Variants in CACNA2D1 observed in about 807,000 individuals in gnomAD.
The protein encoded by CACNA2D1 is voltage-dependent calcium channel subunit alpha-2/delta-1.
A neutral mutation model predicts 171.5 loss-of-function variants in CACNA2D1; 53 were observed. The observed-to-expected ratio is 0.31, with a 90% CI of 0.25 to 0.39. The LOEUF is 0.39. Among genes scored for constraint, CACNA2D1 ranks in the 10% least tolerant of loss-of-function variants. The pLI is 1.00. For synonymous variants in CACNA2D1, 442 were observed against 443.1 expected (o/e 1.00, Z 0.03); for missense variants, 903 against 1,299.8 (o/e 0.69, Z 4.69).
chr7:82,225,071 C>T (rs1013636229), intron 3 of CACNA2D1, among the ~76,000 whole-genome samples: 4 of 152,028 alleles, frequency 2.6e-5, no homozygotes, highest in Non-Finnish European at 5.9e-5. Flanking sequence ...GATCTTACTA[C>T]TTTGTTGAGA....
At chr7:81,983,470 G>A (rs1005135538) in intron 22 of CACNA2D1, 136 bp from the exon 23 acceptor site, 1 of 722,930 alleles carries the variant, frequency 1.4e-6, no homozygotes, top group Non-Finnish European at 2.5e-6. Flanking sequence ...GTTCATTTAT[G>A]TACAGCTGTA....
chr7:82,317,349 A>G (rs1001285916), intron 3 of CACNA2D1, among the ~76,000 whole-genome samples: 2 of 152,240 alleles, frequency 1.3e-5, no homozygotes, highest in African/African-American at 4.8e-5. Flanking sequence ...CAGGCAGATC[A>G]TAGGGATAAT....
At chr7:82,247,322 C>T (rs1187320419) in intron 3 of CACNA2D1, among the ~76,000 whole-genome samples, 1 of 151,896 alleles carries the variant, frequency 6.6e-6, no homozygotes, top group African/African-American at 2.4e-5. Flanking sequence ...CCAGCCTGGG[C>T]AACATGGCAA....
At chr7:82,330,594 CAAAT>C (rs1290182142) in intron 3 of CACNA2D1, among the ~76,000 whole-genome samples, 1 of 152,010 alleles carries the variant, frequency 6.6e-6, no homozygotes, top group South Asian at 2.1e-4. Flanking sequence ...TTTCCAAACT[CAAAT>C]AAAAATGAAA....
chr7:82,219,240 T>C (rs1801494271), intron 3 of CACNA2D1, among the ~76,000 whole-genome samples: 1 of 152,154 alleles, frequency 6.6e-6, no homozygotes, highest in African/African-American at 2.4e-5. Flanking sequence ...AAATCTCTGC[T>C]ACTTAGTAGG....
At chr7:82,436,742 C>A (rs546698406) in intron 1 of CACNA2D1, among the ~76,000 whole-genome samples, 20 of 152,288 alleles carry the variant, frequency 1.3e-4, no homozygotes, top group African/African-American at 4.6e-4. Flanking sequence ...ATTTTCACCA[C>A]AATGCCTGTT....
rs557911442 is a variant in CACNA2D1, at chr7:82,374,375, G to A, written c.96-24726C>T. 2.8e-4 allele frequency among the ~76,000 whole-genome samples: 43 copies of A among 152,222 alleles called. 2 individuals are homozygous for A. The South Asian group carries it at 6.6e-3, about 23-fold the overall frequency. On this transcript the variant is annotated intron_variant, in intron 1 of 38. Transcript: ENST00000356860. ...ACCCATTCTCCTATCAAATCAGAGC[G>A]TACAGACACGGCTCTATTTGTAATA...
intron 3 of CACNA2D1, among the ~76,000 whole-genome samples, chr7:82,231,425 C>T (rs552321399): frequency 2.0e-5 from 3 of 152,308 alleles, no homozygotes; most frequent in East Asian, 3.9e-4. Context: ...ACATTTGCAG[C>T]TGCATTAACT....
chr7:82,066,980 G>A (rs1034596174), intron 7 of CACNA2D1, among the ~76,000 whole-genome samples: 1 of 151,994 alleles, frequency 6.6e-6, no homozygotes, highest in African/African-American at 2.4e-5. Flanking sequence ...ATTTTACTCA[G>A]TCCATGGTAA....
chr7:82,055,958 A>T (rs1805832508), intron 10 of CACNA2D1, among the ~76,000 whole-genome samples: 1 of 146,084 alleles, frequency 6.8e-6, no homozygotes, highest in East Asian at 2.0e-4. Flanking sequence ...AATTTTTTAA[A>T]AAAAGGAAAG....
intron 4 of CACNA2D1, among the ~76,000 whole-genome samples, chr7:82,147,088 A>G (rs1212513098): frequency 6.6e-6 from 1 of 151,452 alleles, no homozygotes; most frequent in African/African-American, 2.4e-5. Flanking sequence ...ATAATTCATA[A>G]CAGTCAAAAA....
At chr7:82,108,582 C>T (rs759308192) in intron 6 of CACNA2D1, among the ~76,000 whole-genome samples, 2 of 152,128 alleles carry the variant, frequency 1.3e-5, no homozygotes, top group African/African-American at 2.4e-5. Flanking sequence ...ACTAATTGGT[C>T]TGCTGTTCTG....
chr7:82,258,497 T>C (rs1038933678), intron 3 of CACNA2D1, among the ~76,000 whole-genome samples: 1 of 152,156 alleles, frequency 6.6e-6, no homozygotes, highest in African/African-American at 2.4e-5. Flanking sequence ...ATAAACTTTA[T>C]TGAGTCAGAC....
Position 81,984,618 on chromosome 7 carries a change from A to C in CACNA2D1, c.1873+17T>G, listed in dbSNP as rs1384452807. On this transcript the variant is annotated intron_variant, in intron 22 of 38. Transcript: ENST00000356860. ...GAGATAACAAATGGACCCTGAAGTC[A>C]CTTTCACAGTACTTACATCTGGCCT... The C allele has an allele frequency of 7.0e-7, 1 of 1,427,772 alleles. No homozygotes were observed. 88.4% of individuals were successfully genotyped at this position (1,427,772 alleles called of 1,614,324 possible). A position where few individuals can be genotyped will look rare whatever the true frequency, so the allele number is the denominator to read the frequency against.
chr7:82,263,938 T>G (rs975657929), intron 3 of CACNA2D1, among the ~76,000 whole-genome samples: 2 of 147,712 alleles, frequency 1.4e-5, no homozygotes, highest in Non-Finnish European at 3.0e-5. Flanking sequence ...ATAATATGGG[T>G]TTTTTTTTTC....
intron 3 of CACNA2D1, among the ~76,000 whole-genome samples, chr7:82,214,059 G>A (rs560118501): frequency 9.1e-4 from 139 of 152,166 alleles, no homozygotes; most frequent in African/African-American, 2.9e-3. Context: ...CAGCTTTCTG[G>A]GGTTTCTTTT....
chr7:81,959,670 A>G (rs770054878), intron 37 of CACNA2D1, 50 bp downstream of exon 37: 194 of 1,549,708 alleles, frequency 1.3e-4, no homozygotes, highest in Non-Finnish European at 1.6e-4. Flanking sequence ...AAGATTCAAA[A>G]TGCATTAAGA....
chr7:81,966,304 A>C (rs1464817917), intron 31 of CACNA2D1, among the ~76,000 whole-genome samples: 1 of 151,678 alleles, frequency 6.6e-6, no homozygotes, highest in Non-Finnish European at 1.5e-5. Flanking sequence ...AATAAAAATC[A>C]CAAATAAAAA....
chr7:82,321,544 T>C (rs1049449225), intron 3 of CACNA2D1, among the ~76,000 whole-genome samples: 2 of 152,126 alleles, frequency 1.3e-5, no homozygotes, highest in Admixed American at 6.5e-5. Context: ...ATCTTCCTCA[T>C]AAGGTTATTC....
Sources: allele counts gnomAD v4.1 joint callset (sites outside exome capture counted in the v4.1 genomes callset), GRCh38; gene constraint gnomAD v4.1.1; transcripts MANE v1.5; gene names NCBI Gene and HGNC (gene_info 2026-07-23, HGNC 2026-07-21).